Variants in RAB3GAP2 observed in about 807,000 individuals in gnomAD.
The protein encoded by RAB3GAP2 is RAB3 GTPase activating non-catalytic protein subunit 2.
In RAB3GAP2, 87 loss-of-function variants were observed where a neutral mutation model predicts 185.3. The observed-to-expected ratio is 0.47, with a 90% CI of 0.39 to 0.56. The LOEUF (loss-of-function observed/expected upper bound fraction) is 0.56, where lower values mean the gene tolerates loss of function less well. RAB3GAP2 is among the 20% of genes least tolerant of loss of function. The probability of loss-of-function intolerance (pLI) is 0.00; values close to 1 mark genes in which losing one functional copy is unlikely to be tolerated. For synonymous variants in RAB3GAP2, 554 were observed against 576.1 expected (o/e 0.96, Z 0.55); for missense variants, 1,492 against 1,638.2 (o/e 0.91, Z 1.54).
chr1:220,170,970 G>A lies in RAB3GAP2; in HGVS notation c.2728C>T (p.Gln910Ter). 6.2e-7 allele frequency: 1 copy of A among 1,614,184 alleles called. No homozygotes were observed. Among genetic ancestry groups the A allele is most frequent in the Non-Finnish European group, 8.5e-7 (1 of 1,180,000 alleles). ...TGCAGTGATGACACTTTGGAGGTCT[G>A]AGTGTTCCCTTTGCTGTGAAGCAGA... ...QTLLHSKGNTQTSKVSSLQAE... is the reference protein window; with the variant it reads ...QTLLHSKGNT The change falls in exon 24 of 35, where the codon CAG becomes TAG. Residue 910 changes from glutamine (Q) to a stop codon, truncating the protein, a stop_gained. Coordinates refer to ENST00000358951, the MANE Select transcript of RAB3GAP2 (RefSeq NM_012414.4). LOFTEE classifies it high-confidence loss of function.
chr1:220,199,233 C>T (rs951323012), intron 9 of RAB3GAP2, among the ~76,000 whole-genome samples: 3 of 152,154 alleles, frequency 2.0e-5, no homozygotes, highest in Admixed American at 2.0e-4. Context: ...TTAAGTTTGA[C>T]ATCTAGGTAG....
intron 1 of RAB3GAP2, among the ~76,000 whole-genome samples, chr1:220,241,833 GT>G (rs1383240378): frequency 3.3e-5 from 5 of 151,570 alleles, no homozygotes; most frequent in Non-Finnish European, 5.9e-5. Context: ...TTATAATTCT[GT>G]TTTTTTAACA....
At chr1:220,192,158 T>C (rs188708211) in intron 13 of RAB3GAP2, among the ~76,000 whole-genome samples, 1 of 152,200 alleles carries the variant, frequency 6.6e-6, no homozygotes, top group Non-Finnish European at 1.5e-5. Flanking sequence ...TTTAGAAAAG[T>C]CTTGCTGAGA....
chr1:220,269,225 G>A (rs1660288230), intron 1 of RAB3GAP2, among the ~76,000 whole-genome samples: 1 of 152,222 alleles, frequency 6.6e-6, no homozygotes, highest in Non-Finnish European at 1.5e-5. Context: ...CCAAGGCATA[G>A]ACAACAGTGA....
At chr1:220,203,059 G>A (rs946428826) in intron 8 of RAB3GAP2, among the ~76,000 whole-genome samples, 5 of 152,226 alleles carry the variant, frequency 3.3e-5, no homozygotes, top group African/African-American at 1.2e-4. Context: ...AGGAATCAGT[G>A]CTTTACTGAT....
chr1:220,195,109 T>C lies in RAB3GAP2; in HGVS notation c.1099A>G (p.Lys367Glu), dbSNP rs764290119. ...EEEAVQKQKPKVEPATPLAVR... is the reference protein window; with the variant it reads ...EEEAVQKQKPEVEPATPLAVR... ...GCTAATGGGGTAGCTGGCTCAACCTTCGGCTTTTGCTTTTGGACAGCTTCT... is the reference window on the plus strand; with the variant it reads ...GCTAATGGGGTAGCTGGCTCAACCTCCGGCTTTTGCTTTTGGACAGCTTCT... Residue 367 changes from lysine (K) to glutamate (E), a missense_variant, in exon 12 of 35, where the codon AAG becomes GAG. Coordinates refer to ENST00000358951, the MANE Select transcript of RAB3GAP2 (RefSeq NM_012414.4). 1.9e-6 allele frequency: 3 copies of C among 1,614,154 alleles called. No homozygotes were observed. The highest frequency in any genetic ancestry group is 2.5e-6 in the Non-Finnish European group (3 of 1,180,004).
chr1:220,174,425 TTTG>T (rs1658248925), intron 21 of RAB3GAP2, among the ~76,000 whole-genome samples: 1 of 152,158 alleles, frequency 6.6e-6, no homozygotes, highest in African/African-American at 2.4e-5. Context: ...TAGGTGTATA[TTTG>T]TATGTGGTAC....
intron 24 of RAB3GAP2, among the ~76,000 whole-genome samples, chr1:220,168,930 TAAA>T (rs1186948597): frequency 3.3e-5 from 5 of 152,214 alleles, no homozygotes; most frequent in Admixed American, 6.5e-5. Flanking sequence ...TTGATTCAAA[TAAA>T]AACCTTTCCA....
At chr1:220,231,369 A>G (rs7535619) in intron 2 of RAB3GAP2, among the ~76,000 whole-genome samples, 69,735 of 151,872 alleles carry the variant, frequency 0.46, 18,076 homozygotes, top group African/African-American at 0.71. Flanking sequence ...CCTCTGAAAA[A>G]ACTTCCTTAA....
intron 1 of RAB3GAP2, among the ~76,000 whole-genome samples, chr1:220,238,565 T>G (rs1199830600): frequency 6.6e-6 from 1 of 152,214 alleles, no homozygotes; most frequent in African/African-American, 2.4e-5. Context: ...TGCAAAGCAC[T>G]TTTACAGTGC....
In RAB3GAP2 at chr1:220,190,049, T is replaced by G. The variant is rs538465798; in HGVS notation, c.1714+15A>C. The G allele has an allele frequency of 3.8e-6, 6 of 1,563,094 alleles. No homozygotes were observed. Among genetic ancestry groups the G allele is most frequent in the South Asian group, 2.2e-5 (2 of 89,970 alleles). ...AGAACAATATGCTTTATTATTTGTA[T>G]GAGAGAATACCTACCAAGATTGGGA... On this transcript the variant is annotated intron_variant, in intron 16 of 34. Transcript: ENST00000358951.
Position 220,154,067 on chromosome 1 carries a change from AAGAG to A in RAB3GAP2, c.3556-14_3556-11del. On this transcript the variant is annotated splice_polypyrimidine_tract_variant and intron_variant, in intron 31 of 34. Transcript: ENST00000358951. ...AAAATGCATTTTTTCCCTAAAAAGA[AAGAG>A]AGCAAGAAAACTGATGAGTGTGGAT... is the stretch of plus-strand genomic sequence containing the variant. 6.2e-7 allele frequency: 1 copy of A among 1,613,100 alleles called. No homozygotes were observed. The highest frequency in any genetic ancestry group is 8.5e-7 in the Non-Finnish European group (1 of 1,179,554).
chr1:220,238,258 T>A (rs1250761721), intron 1 of RAB3GAP2, among the ~76,000 whole-genome samples: 1 of 152,186 alleles, frequency 6.6e-6, no homozygotes, highest in Non-Finnish European at 1.5e-5. Flanking sequence ...TTGCCCAGGC[T>A]GGTGATGTGT....
chr1:220,189,602 T>G (rs1658574064), intron 17 of RAB3GAP2, 101 bp downstream of exon 17: 2 of 1,185,046 alleles, frequency 1.7e-6, no homozygotes, highest in Non-Finnish European at 2.3e-6. Flanking sequence ...AAAAGAAGAC[T>G]TCAGCCTCTC....
rs2789792 is a variant in RAB3GAP2 at position 220,159,210 on chromosome 1, C to T, written c.3261+176G>A. 0.48 allele frequency among the ~76,000 whole-genome samples: 73,351 copies of T among 151,906 alleles called. 19,331 individuals are homozygous for T. The highest frequency in any genetic ancestry group is 0.71 in the East Asian group (3,671 of 5,168). Reference sequence around the variant, plus strand: ...AACAATCTGGAAAAGTAAATTAAAACTGGCCATAGTTCATGACCAGTTTCC... The same window carrying T: ...AACAATCTGGAAAAGTAAATTAAAATTGGCCATAGTTCATGACCAGTTTCC... On this transcript the variant is annotated intron_variant, in intron 29 of 34. Coordinates refer to ENST00000358951, the MANE Select transcript of RAB3GAP2 (RefSeq NM_012414.4).
chr1:220,183,773 C>T (rs972823590), intron 19 of RAB3GAP2, among the ~76,000 whole-genome samples: 6 of 152,074 alleles, frequency 3.9e-5, no homozygotes, highest in African/African-American at 1.4e-4. Flanking sequence ...ACCTGCTAGG[C>T]TTTCAAACTA....
intron 2 of RAB3GAP2, among the ~76,000 whole-genome samples, chr1:220,214,934 A>T (rs1659157530): frequency 7.7e-6 from 1 of 129,740 alleles, no homozygotes; most frequent in East Asian, 2.3e-4. Context: ...TTTTCTTACA[A>T]GAATAGTAGC....
chr1:220,205,795 A>C, intron 8 of RAB3GAP2, 112 bp downstream of exon 8: 1 of 802,634 alleles, frequency 1.2e-6, no homozygotes. Context: ...TTTCCCATAA[A>C]TCTAGTTCAG....
intron 1 of RAB3GAP2, chr1:220,267,337 A>T: frequency 9.3e-7 from 1 of 1,075,772 alleles, no homozygotes; most frequent in Non-Finnish European, 1.4e-6. Context: ...ATACAGTCTG[A>T]TTATATTAGG....
Sources: gnomAD v4.1 joint callset for allele counts (sites outside exome capture counted in the v4.1 genomes callset) on GRCh38, gnomAD v4.1.1 for gene constraint, MANE v1.5 for transcripts, NCBI Gene and HGNC (gene_info 2026-07-23, HGNC 2026-07-21) for gene names.